Variants in WDR27 observed in about 807,000 individuals in gnomAD.
WDR27 encodes the protein WD repeat domain 27.
WDR27 carries 100 observed loss-of-function variants against 114.4 expected under a neutral mutation model. The ratio of observed to expected loss-of-function variants is 0.87; its 90% CI spans 0.74 to 1.03. The LOEUF (loss-of-function observed/expected upper bound fraction) is 1.03. WDR27 is among the 50% of genes least tolerant of loss of function. The probability of loss-of-function intolerance (pLI) is 0.00; values close to 1 mark genes in which losing one functional copy is unlikely to be tolerated. For synonymous variants in WDR27, 449 were observed against 423.1 expected (o/e 1.06, Z -0.75); for missense variants, 1,129 against 1,092.9 (o/e 1.03, Z -0.47).
intron 19 of WDR27, among the ~76,000 whole-genome samples, chr6:169,634,975 G>T (rs1206824885): frequency 6.6e-6 from 1 of 152,220 alleles, no homozygotes; most frequent in Non-Finnish European, 1.5e-5. Context: ...GCAGGAACAA[G>T]AAGAGGATCC....
At chr6:169,665,893 A>T (rs985538783) in intron 6 of WDR27, among the ~76,000 whole-genome samples, 5 of 152,236 alleles carry the variant, frequency 3.3e-5, no homozygotes, top group African/African-American at 4.8e-5. Flanking sequence ...GCTGCTTTAT[A>T]GCCTAGAGGG....
At chr6:169,665,454 G>A in intron 7 of WDR27, 32 bp downstream of exon 7, 1 of 1,600,816 alleles carries the variant, frequency 6.2e-7, no homozygotes. Context: ...GGCATGTCTG[G>A]GAACTGGAAC....
intron 25 of WDR27, among the ~76,000 whole-genome samples, chr6:169,536,686 A>G (rs1796234991): frequency 6.6e-6 from 1 of 152,178 alleles, no homozygotes; most frequent in Non-Finnish European, 1.5e-5. Flanking sequence ...TGGGCTCACA[A>G]AAGTGATCAG....
At chr6:169,576,486 T>C (rs1802355091) in intron 24 of WDR27, among the ~76,000 whole-genome samples, 1 of 152,164 alleles carries the variant, frequency 6.6e-6, no homozygotes, top group Admixed American at 6.5e-5. Context: ...AGACCAGGCA[T>C]GGTGGCATAT....
At chr6:169,534,330 A>G (rs896948601) in intron 25 of WDR27, among the ~76,000 whole-genome samples, 2 of 152,188 alleles carry the variant, frequency 1.3e-5, no homozygotes, top group African/African-American at 4.8e-5. Flanking sequence ...ATTCACAGAA[A>G]ACATTGGTCT....
downstream of WDR27, among the ~76,000 whole-genome samples, chr6:169,455,777 A>C (rs142727501): frequency 6.6e-6 from 1 of 152,198 alleles, no homozygotes; most frequent in Non-Finnish European, 1.5e-5. Flanking sequence ...TTATACTGCT[A>C]TTCTTATGCT....
At chr6:169,436,052 C>A in the WDR27 span, among the ~76,000 whole-genome samples, 1 of 152,008 alleles carries the variant, frequency 6.6e-6, no homozygotes, top group African/African-American at 2.4e-5. Flanking sequence ...ATTTTTTATG[C>A]TTTTTAAATC....
chr6:169,483,980 T>C (rs889684077), intron 25 of WDR27, among the ~76,000 whole-genome samples: 9 of 152,122 alleles, frequency 5.9e-5, no homozygotes, highest in South Asian at 2.1e-4. Context: ...AACATCCTTT[T>C]ATATTTAAAA....
rs1042052600 is a variant in WDR27 at position 169,638,009 on chromosome 6, G to A, written c.1869+530C>T. ...ATTGCATGTGTGTGAACATATACAT[G>A]TAGACACACATTTAAGAAACTAATT... On this transcript the variant is annotated intron_variant, in intron 18 of 25. Coordinates refer to ENST00000448612, the MANE Select transcript of WDR27 (RefSeq NM_182552.5). 2.6e-5 allele frequency among the ~76,000 whole-genome samples: 4 copies of A among 152,230 alleles called. No homozygotes were observed. In the South Asian group the frequency reaches 6.2e-4, roughly 24 times the overall value.
intron 22 of WDR27, among the ~76,000 whole-genome samples, chr6:169,611,436 G>C (rs1810506054): frequency 6.6e-6 from 1 of 150,858 alleles, no homozygotes. Context: ...CTCCCAAGTA[G>C]GTGGGATTAC....
At chr6:169,643,611 A>G (rs1819732427) in intron 17 of WDR27, 86 bp downstream of exon 17, 1 of 1,155,004 alleles carries the variant, frequency 8.7e-7, no homozygotes, top group Non-Finnish European at 1.2e-6. Flanking sequence ...TGAAGGAAAC[A>G]AAAGTGTCCT....
chr6:169,586,546 C>A (rs1277106239), intron 23 of WDR27, among the ~76,000 whole-genome samples: 1 of 151,914 alleles, frequency 6.6e-6, no homozygotes, highest in East Asian at 1.9e-4. Flanking sequence ...GGGCATTGTC[C>A]AATATCAAAA....
intron 23 of WDR27, among the ~76,000 whole-genome samples, chr6:169,593,852 A>AAAACAAACAAAC (rs150266215): frequency 3.0e-5 from 4 of 135,014 alleles, no homozygotes; most frequent in African/African-American, 1.0e-4. Flanking sequence ...CTGTCTCAAA[A>AAAACAAACAAAC]AAACAAACAA....
chr6:169,449,691 C>T, the WDR27 span, among the ~76,000 whole-genome samples: 1 of 152,318 alleles, frequency 6.6e-6, no homozygotes, highest in African/African-American at 2.4e-5. Flanking sequence ...GAGAGGGATG[C>T]GGACCAGTTT....
At chr6:169,646,527 A>T (rs1352479021) in intron 16 of WDR27, among the ~76,000 whole-genome samples, 2 of 152,182 alleles carry the variant, frequency 1.3e-5, no homozygotes, top group Non-Finnish European at 1.5e-5. Context: ...CAGGTGGATC[A>T]CCGGACGTCA....
intron 23 of WDR27, among the ~76,000 whole-genome samples, chr6:169,586,720 G>A (rs568747064): frequency 8.8e-4 from 133 of 151,702 alleles, no homozygotes; most frequent in Non-Finnish European, 1.5e-3. Flanking sequence ...GTGGTGGCAC[G>A]TGCCTGTAAT....
At chr6:169,571,927 A>C (rs958441114) in intron 25 of WDR27, among the ~76,000 whole-genome samples, 5 of 152,216 alleles carry the variant, frequency 3.3e-5, no homozygotes, top group African/African-American at 1.2e-4. Flanking sequence ...CAATTAACAG[A>C]ACTATATTCA....
chr6:169,428,608 A>AGGGTGGGGGGGGGGG, the WDR27 span, among the ~76,000 whole-genome samples: 2 of 114,460 alleles, frequency 1.7e-5, no homozygotes, highest in African/African-American at 3.6e-5. Context: ...GGCGGGGGGG[A>AGGGTGGGGGGGGGGG]GGGGGGGGTT....
chr6:169,649,169 G>T, intron 15 of WDR27, 29 bp downstream of exon 15: 1 of 1,544,076 alleles, frequency 6.5e-7, no homozygotes, highest in Non-Finnish European at 8.8e-7. Flanking sequence ...TATTTCAAAT[G>T]TACTTGGAAT....
Sources: gnomAD v4.1 joint callset for allele counts (sites outside exome capture counted in the v4.1 genomes callset) on GRCh38, gnomAD v4.1.1 for gene constraint, MANE v1.5 for transcripts, NCBI Gene and HGNC (gene_info 2026-07-23, HGNC 2026-07-21) for gene names.